The following SAXO3 variants were observed in gnomAD, a reference collection of about 807,000 sequenced individuals.
SAXO3 encodes stabilizer of axonemal microtubules 3.
the SAXO3 span, chr19:49,018,814 G>A: frequency 8.5e-6 from 12 of 1,411,648 alleles, no homozygotes; most frequent in Admixed American, 4.0e-5. Context: ...GGGGCTCGGC[G>A]TGCACCGGCC....
the SAXO3 span, chr19:49,019,255 A>C: frequency 7.7e-7 from 1 of 1,293,136 alleles, no homozygotes; most frequent in East Asian, 3.1e-5. Context: ...AGGAACTCAA[A>C]CCCAAGCCCC....
chr19:49,020,001 G>T, the SAXO3 span: 1 of 1,496,684 alleles, frequency 6.7e-7, no homozygotes, highest in Admixed American at 2.4e-5. Flanking sequence ...TGGGTCTTGG[G>T]CACGTAGGCC....
chr19:49,018,738 C>T, the SAXO3 span: 2 of 765,276 alleles, frequency 2.6e-6, no homozygotes, highest in Non-Finnish European at 4.2e-6. Flanking sequence ...GAGGCCTGAA[C>T]TTTGGTTCTT....
the SAXO3 span, chr19:49,018,171 T>G: frequency 2.4e-6 from 1 of 409,544 alleles, no homozygotes; most frequent in Non-Finnish European, 4.2e-6. Flanking sequence ...CGGTGCGGCA[T>G]GGCCGAGGTC....
chr19:49,019,350 G>A, the SAXO3 span: 42 of 1,196,134 alleles, frequency 3.5e-5, no homozygotes, highest in Non-Finnish European at 4.3e-5. Flanking sequence ...ATCTTGGGCA[G>A]CAACTCCAAG....
the SAXO3 span, chr19:49,019,452 G>T: frequency 2.1e-5 from 26 of 1,255,218 alleles, no homozygotes; most frequent in Non-Finnish European, 2.6e-5. Flanking sequence ...AGCAGCTTAG[G>T]AGCCCTGAAG....
chr19:49,019,874 G>T, the SAXO3 span: 2 of 1,358,406 alleles, frequency 1.5e-6, no homozygotes, highest in African/African-American at 1.5e-5. Flanking sequence ...CCCCCGCCCT[G>T]TCCCCTGCGG....
chr19:49,020,113 G>C, the SAXO3 span: 58 of 1,051,528 alleles, frequency 5.5e-5, no homozygotes, highest in Admixed American at 1.2e-3. Flanking sequence ...CCGTGGACTG[G>C]AGAGAAGGCG....
At chr19:49,019,695 C>G in the SAXO3 span, 1 of 1,219,238 alleles carries the variant, frequency 8.2e-7, no homozygotes, top group Non-Finnish European at 1.1e-6. Flanking sequence ...GGGGCTGGGG[C>G]CCGAAGTATT....
the SAXO3 span, chr19:49,019,841 G>A: frequency 2.4e-6 from 3 of 1,266,822 alleles, no homozygotes; most frequent in South Asian, 4.6e-5. Context: ...CTCACGTGAA[G>A]GAGCAGGGGA....
chr19:49,020,140 A>G, the SAXO3 span: 9 of 684,416 alleles, frequency 1.3e-5, no homozygotes, highest in Non-Finnish European at 1.8e-5. Flanking sequence ...ATCAGCTAGA[A>G]AGACTCAGGA....
At chr19:49,018,141 G>C in the SAXO3 span, 1 of 401,636 alleles carries the variant, frequency 2.5e-6, no homozygotes, top group Non-Finnish European at 4.4e-6. Flanking sequence ...TAGGACTCCT[G>C]AGCCAGAGAC....
chr19:49,019,799 G>T, the SAXO3 span: 2 of 1,228,890 alleles, frequency 1.6e-6, no homozygotes, highest in Non-Finnish European at 2.2e-6. Context: ...CGCCAGCCGC[G>T]GTGTCTGAGC....
At chr19:49,018,235 G>T in the SAXO3 span, 2 of 748,896 alleles carry the variant, frequency 2.7e-6, no homozygotes, top group Non-Finnish European at 3.7e-6. Flanking sequence ...GCCGGGAGGA[G>T]CGCGGACAGG....
chr19:49,020,441 A>G, the SAXO3 span: 5 of 399,156 alleles, frequency 1.3e-5, no homozygotes, highest in Admixed American at 4.4e-5. Flanking sequence ...TGCTGGTGAG[A>G]TGGCAGTTGG....
chr19:49,019,818 G>A, the SAXO3 span: 6 of 1,261,536 alleles, frequency 4.8e-6, no homozygotes, highest in East Asian at 8.8e-5. Flanking sequence ...GCTGCGGAAA[G>A]GCGACCCAGA....
the SAXO3 span, chr19:49,019,831 C>T: frequency 0.58 from 720,545 of 1,251,912 alleles, 210,205 homozygotes; most frequent in Admixed American, 0.67. Context: ...GACCCAGAGA[C>T]TCACGTGAAG....
chr19:49,020,102 A>G, the SAXO3 span: 1 of 1,241,466 alleles, frequency 8.1e-7, no homozygotes, highest in South Asian at 1.7e-5. Flanking sequence ...AGGGTCCGCG[A>G]CCGTGGACTG....
chr19:49,018,323 T>C, the SAXO3 span: 1 of 1,217,266 alleles, frequency 8.2e-7, no homozygotes, highest in Non-Finnish European at 1.0e-6. Flanking sequence ...CTTGCGGGGG[T>C]ATCCGGACAG....
Sources: gnomAD v4.1 joint callset for allele counts on GRCh38, gnomAD v4.1.1 for gene constraint, MANE v1.5 for transcripts, NCBI Gene and HGNC (gene_info 2026-07-23, HGNC 2026-07-21) for gene names.